Variants in LPP observed in about 807,000 individuals in gnomAD.
The protein encoded by LPP is LIM domain containing preferred translocation partner in lipoma.
In LPP, 38 loss-of-function variants were observed where a neutral mutation model predicts 60.4. That is an observed-to-expected ratio of 0.63 (90% CI 0.49 to 0.83). LPP has a LOEUF of 0.83. Ranked by LOEUF, LPP falls within the 40% of genes least tolerant of loss-of-function variation. LPP has a pLI of 0.00. For missense variants in LPP, 902 were observed against 783.6 expected, an observed-to-expected ratio of 1.15 and a Z score of -1.80; for synonymous variants, 328 against 290.8, an observed-to-expected ratio of 1.13 and a Z score of -1.30.
intron 1 of LPP, among the ~76,000 whole-genome samples, chr3:188,165,794 C>G (rs949662210): frequency 6.6e-6 from 1 of 152,038 alleles, no homozygotes; most frequent in Admixed American, 6.6e-5. Context: ...GAATAGAAGT[C>G]ACAGAGTCTT....
At chr3:188,859,070 C>G (rs1314968673) in intron 9 of LPP, among the ~76,000 whole-genome samples, 1 of 118,390 alleles carries the variant, frequency 8.4e-6, no homozygotes, top group East Asian at 2.5e-4. Context: ...GCCTAGGTGA[C>G]AGAGTGAGAC....
chr3:188,468,795 G>C (rs994425723), intron 4 of LPP, among the ~76,000 whole-genome samples: 10 of 152,120 alleles, frequency 6.6e-5, no homozygotes, highest in African/African-American at 2.4e-4. Context: ...TGGAACTACT[G>C]CTGGAGGAAT....
intron 3 of LPP, among the ~76,000 whole-genome samples, chr3:188,367,049 A>G (rs536956774): frequency 1.3e-5 from 2 of 152,122 alleles, no homozygotes; most frequent in South Asian, 4.2e-4. Context: ...GGCACCCGCC[A>G]CCATGCCCGG....
At chr3:188,466,231 C>G (rs1040725231) in intron 4 of LPP, among the ~76,000 whole-genome samples, 1 of 152,044 alleles carries the variant, frequency 6.6e-6, no homozygotes, top group Non-Finnish European at 1.5e-5. Context: ...TTGGTATTGT[C>G]CACGTTACTG....
At chr3:188,681,293 C>T (rs1263878232) in intron 7 of LPP, among the ~76,000 whole-genome samples, 1 of 152,164 alleles carries the variant, frequency 6.6e-6, no homozygotes, top group African/African-American at 2.4e-5. Context: ...CGCACCCGGC[C>T]GCATTTCCCT....
chr3:188,603,771 G>A (rs1005555239), intron 6 of LPP, among the ~76,000 whole-genome samples: 1 of 152,076 alleles, frequency 6.6e-6, no homozygotes, highest in Non-Finnish European at 1.5e-5. Context: ...TAATTGTCAT[G>A]AAAATATAAT....
chr3:188,240,968 T>G (rs2149461275), intron 2 of LPP, among the ~76,000 whole-genome samples: 3 of 152,328 alleles, frequency 2.0e-5, no homozygotes, highest in East Asian at 1.9e-4. Context: ...ATTCTTTTAT[T>G]TTTAAATGAA....
At chr3:188,324,454 A>G (rs573800255) in intron 2 of LPP, among the ~76,000 whole-genome samples, 1 of 152,292 alleles carries the variant, frequency 6.6e-6, no homozygotes, top group Admixed American at 6.5e-5. Flanking sequence ...CGTCATCTCA[A>G]GATCTACCAA....
chr3:188,673,372 G>C (rs1271304546), intron 7 of LPP, among the ~76,000 whole-genome samples: 1 of 152,022 alleles, frequency 6.6e-6, no homozygotes, highest in Non-Finnish European at 1.5e-5. Context: ...AAAGAAAAAT[G>C]AAGGTGGTAT....
chr3:188,564,741 T>C (rs1241072330), intron 6 of LPP, among the ~76,000 whole-genome samples: 1 of 151,890 alleles, frequency 6.6e-6, no homozygotes, highest in African/African-American at 2.4e-5. Flanking sequence ...ACTTGGAATA[T>C]CATTGAGGAC....
intron 9 of LPP, among the ~76,000 whole-genome samples, chr3:188,788,829 T>C (rs1320150385): frequency 1.3e-5 from 2 of 152,228 alleles, no homozygotes; most frequent in Non-Finnish European, 2.9e-5. Context: ...CTGTGAATCT[T>C]GCCAGCACTC....
chr3:188,808,291 G>GT (rs1305881334), intron 9 of LPP, among the ~76,000 whole-genome samples: 1 of 151,932 alleles, frequency 6.6e-6, no homozygotes, highest in Non-Finnish European at 1.5e-5. Flanking sequence ...ATGTAAATTA[G>GT]TTTTGTGGTT....
At chr3:188,491,246 G>A (rs1260957257) in intron 5 of LPP, among the ~76,000 whole-genome samples, 1 of 152,186 alleles carries the variant, frequency 6.6e-6, no homozygotes. Flanking sequence ...ATAAAAGTCT[G>A]TCTTTCTGCT....
chr3:188,760,435 T>TGTGTGTGTGTGTGTGTGTGTGC (rs777127864), intron 9 of LPP, among the ~76,000 whole-genome samples, 153 bp downstream of exon 9: 14 of 151,078 alleles, frequency 9.3e-5, no homozygotes, highest in South Asian at 2.1e-4. Context: ...TGTGTGTGTG[T>TGTGTGTGTGTGTGTGTGTGTGC]GCGTGCGCGC....
chr3:188,812,602 A>G (rs1221175570), intron 9 of LPP, among the ~76,000 whole-genome samples: 1 of 152,178 alleles, frequency 6.6e-6, no homozygotes, highest in African/African-American at 2.4e-5. Flanking sequence ...TTTAAAACCA[A>G]ATAAATAGTT....
At chr3:188,753,505 T>G (rs991894490) in intron 8 of LPP, among the ~76,000 whole-genome samples, 15 of 151,930 alleles carry the variant, frequency 9.9e-5, no homozygotes, top group African/African-American at 3.4e-4. Flanking sequence ...CTCATCTGGT[T>G]TGCTGCCCAG....
chr3:188,338,540 C>A (rs1221729914), intron 2 of LPP, among the ~76,000 whole-genome samples: 1 of 152,164 alleles, frequency 6.6e-6, no homozygotes, highest in African/African-American at 2.4e-5. Context: ...AAAAGAGAAA[C>A]ACAGAATGTG....
chr3:188,697,597 A>G (rs941621749), intron 7 of LPP, among the ~76,000 whole-genome samples: 9 of 152,218 alleles, frequency 5.9e-5, no homozygotes, highest in Admixed American at 3.9e-4. Context: ...ACCTGAAAAT[A>G]CTAAAGAAAA....
intron 8 of LPP, among the ~76,000 whole-genome samples, chr3:188,732,335 G>T (rs1202033141): frequency 1.3e-5 from 2 of 152,218 alleles, no homozygotes; most frequent in Admixed American, 1.3e-4. Flanking sequence ...ATAAGGGATT[G>T]TGTTTTGATA....
Sources: allele counts gnomAD v4.1 joint callset (sites outside exome capture counted in the v4.1 genomes callset), GRCh38; gene constraint gnomAD v4.1.1; transcripts MANE v1.5; gene names NCBI Gene and HGNC (gene_info 2026-07-23, HGNC 2026-07-21).